CDC42BPA: variants seen among roughly 807,000 people sequenced by gnomAD.
CDC42BPA encodes the protein CDC42 binding protein kinase alpha.
A neutral mutation model predicts 223.5 loss-of-function variants in CDC42BPA; 80 were observed. The ratio of observed to expected loss-of-function variants is 0.36; its 90% CI spans 0.30 to 0.43. CDC42BPA has a LOEUF of 0.43. Ranked by LOEUF, CDC42BPA falls within the 20% of genes least tolerant of loss-of-function variation. The pLI is 1.00. For missense variants in CDC42BPA, 1,743 were observed against 2,099.9 expected (o/e 0.83, Z 3.32); for synonymous variants, 694 against 718.6 (o/e 0.97, Z 0.55).
At chr1:227,043,683 A>G (rs545108298) in intron 23 of CDC42BPA, among the ~76,000 whole-genome samples, 1 of 152,264 alleles carries the variant, frequency 6.6e-6, no homozygotes, top group South Asian at 2.1e-4. Flanking sequence ...GGACATGTAT[A>G]TATCTTTATA....
At chr1:227,296,433 T>C (rs772681958) in intron 1 of CDC42BPA, among the ~76,000 whole-genome samples, 18 of 152,040 alleles carry the variant, frequency 1.2e-4, no homozygotes, top group Non-Finnish European at 2.2e-4. Flanking sequence ...AGGCCGGGCA[T>C]AGTGGCTCAC....
At chr1:227,152,741 A>C (rs148695247) in intron 6 of CDC42BPA, among the ~76,000 whole-genome samples, 1 of 152,280 alleles carries the variant, frequency 6.6e-6, no homozygotes, top group East Asian at 1.9e-4. Context: ...TTCACCTGTT[A>C]AACAAACCTG....
At chr1:227,069,105 A>T (rs1280135719) in intron 21 of CDC42BPA, 1 of 153,350 alleles carries the variant, frequency 6.5e-6, no homozygotes, top group East Asian at 1.9e-4. Context: ...TATTTTGGTC[A>T]CTACTATATC....
intron 11 of CDC42BPA, 137 bp downstream of exon 11, chr1:227,128,972 C>G: frequency 1.6e-6 from 1 of 630,978 alleles, no homozygotes; most frequent in Non-Finnish European, 2.7e-6. Context: ...AGAACCCATT[C>G]TTATTTGCCC....
At chr1:227,230,874 G>A (rs534894853) in intron 2 of CDC42BPA, among the ~76,000 whole-genome samples, 67 of 131,358 alleles carry the variant, frequency 5.1e-4, no homozygotes, top group Admixed American at 9.9e-4. Flanking sequence ...AGGCTGGAGT[G>A]CAGTGGCGTG....
intron 21 of CDC42BPA, among the ~76,000 whole-genome samples, chr1:227,065,305 C>G (rs1207184373): frequency 1.3e-5 from 2 of 152,086 alleles, no homozygotes; most frequent in Non-Finnish European, 2.9e-5. Context: ...GGATTAAATA[C>G]TTTCTAAGGT....
intron 20 of CDC42BPA, among the ~76,000 whole-genome samples, chr1:227,070,998 A>G (rs1303627727): frequency 6.6e-6 from 1 of 151,848 alleles, no homozygotes; most frequent in East Asian, 1.9e-4. Context: ...TCACTAAATA[A>G]TGTATCTTCT....
chr1:227,295,246 C>T (rs1558978917), intron 1 of CDC42BPA, among the ~76,000 whole-genome samples: 1 of 152,092 alleles, frequency 6.6e-6, no homozygotes, highest in Non-Finnish European at 1.5e-5. Flanking sequence ...TTACAACCTA[C>T]ACTGCCCAGG....
intron 35 of CDC42BPA, 32 bp downstream of exon 35, chr1:227,004,962 C>G (rs758868964): frequency 6.8e-7 from 1 of 1,473,864 alleles, no homozygotes. Context: ...CACCCTGTCT[C>G]AGAGGCACCT....
intron 11 of CDC42BPA, among the ~76,000 whole-genome samples, chr1:227,126,525 A>G (rs12406965): frequency 0.021 from 2,250 of 105,712 alleles, 109 homozygotes; most frequent in African/African-American, 0.077. Context: ...GGAAGGTAAG[A>G]AAGGAAAAAG....
At chr1:227,083,783 G>T (rs1254561415) in intron 16 of CDC42BPA, among the ~76,000 whole-genome samples, 4 of 152,132 alleles carry the variant, frequency 2.6e-5, no homozygotes, top group Non-Finnish European at 5.9e-5. Context: ...CAGTCACTGA[G>T]GACTCATGTT....
chr1:227,070,245 G>C (rs1391539058), intron 20 of CDC42BPA, among the ~76,000 whole-genome samples: 3 of 151,838 alleles, frequency 2.0e-5, no homozygotes, highest in East Asian at 1.9e-4. Context: ...TCAAAGCACA[G>C]AGTATGCACT....
At chr1:227,248,480 T>C (rs1681392886) in intron 2 of CDC42BPA, among the ~76,000 whole-genome samples, 1 of 151,694 alleles carries the variant, frequency 6.6e-6, no homozygotes, top group Non-Finnish European at 1.5e-5. Flanking sequence ...GTGAACAATC[T>C]GAAAAAGAAA....
chr1:227,284,590 C>G (rs556326876), intron 1 of CDC42BPA, among the ~76,000 whole-genome samples: 1 of 152,264 alleles, frequency 6.6e-6, no homozygotes, highest in South Asian at 2.1e-4. Context: ...CTAAGTTGGT[C>G]CCTAAGCCCA....
Position 227,023,331 on chromosome 1 carries a change from T to C in CDC42BPA, c.4547A>G (p.Asn1516Ser), listed in dbSNP as rs146136586. The change falls in exon 32 of 37, where the codon AAT becomes AGT. Residue 1516 changes from asparagine (N) to serine (S), a missense_variant. Physicochemically the swap from Asn to Ser is conservative, Grantham distance 46 (BLOSUM62 1). Around this residue, in one of 6 missense-constraint regions of CDC42BPA, gnomAD observed 678 missense variants for 777.5 expected, o/e 0.87. Transcript: ENST00000366766. Reference protein sequence around the residue: ...LPLKKVRPLNNEGSLNLLGLE... With the variant: ...LPLKKVRPLNSEGSLNLLGLE... The stretch of plus-strand genomic sequence containing the variant: ...CCCTAAAAGATTTAATGATCCTTCA[T>C]TGTTTAAGGGTCGAACCTAAAATAA... The C allele has an allele frequency of 2.5e-4, 391 of 1,545,016 alleles. No homozygotes were observed. The highest frequency in any genetic ancestry group is 1.8e-4 in the South Asian group (15 of 85,388).
intron 1 of CDC42BPA, among the ~76,000 whole-genome samples, chr1:227,255,783 T>G (rs1682938716): frequency 6.6e-6 from 1 of 152,136 alleles, no homozygotes; most frequent in South Asian, 2.1e-4. Context: ...CTACAGAATA[T>G]TGCTGATAAA....
At chr1:227,267,866 G>C (rs916921178) in intron 1 of CDC42BPA, among the ~76,000 whole-genome samples, 1 of 152,104 alleles carries the variant, frequency 6.6e-6, no homozygotes, top group African/African-American at 2.4e-5. Flanking sequence ...ATACGAGGGG[G>C]TAACAATTCG....
intron 2 of CDC42BPA, among the ~76,000 whole-genome samples, chr1:227,236,740 G>A (rs1679105964): frequency 6.6e-6 from 1 of 152,036 alleles, no homozygotes; most frequent in Non-Finnish European, 1.5e-5. Flanking sequence ...CTTTCCAATG[G>A]AGTTAACCAT....
intron 24 of CDC42BPA, among the ~76,000 whole-genome samples, chr1:227,036,964 T>C (rs1042559763): frequency 6.6e-6 from 1 of 152,084 alleles, no homozygotes; most frequent in African/African-American, 2.4e-5. Flanking sequence ...CTTCATAAAG[T>C]AGGCTTCAAA....
Sources: gnomAD v4.1 joint callset for allele counts (sites outside exome capture counted in the v4.1 genomes callset) on GRCh38, gnomAD v4.1.1 for gene constraint, gnomAD v4.1.1 regional missense constraint, MANE v1.5 for transcripts, NCBI Gene and HGNC (gene_info 2026-07-23, HGNC 2026-07-21) for gene names.